Variants in EPB41L2 observed in about 807,000 individuals in gnomAD.
EPB41L2 encodes the protein erythrocyte membrane protein band 4.1 like 2.
In EPB41L2, 43 loss-of-function variants were observed where a neutral mutation model predicts 113.0. The observed-to-expected ratio is 0.38, with a 90% CI of 0.30 to 0.49. EPB41L2 has a LOEUF of 0.49. Ranked by LOEUF, EPB41L2 falls within the 20% of genes least tolerant of loss-of-function variation. The pLI is 0.95. For synonymous variants in EPB41L2, 442 were observed against 436.7 expected, an observed-to-expected ratio of 1.01 and a Z score of -0.15; for missense variants, 1,147 against 1,223.4, an observed-to-expected ratio of 0.94 and a Z score of 0.93.
At chr6:130,938,518 G>C (rs1472246192) in intron 3 of EPB41L2, among the ~76,000 whole-genome samples, 2 of 152,106 alleles carry the variant, frequency 1.3e-5, no homozygotes, top group African/African-American at 2.4e-5. Flanking sequence ...AAACTCTGAG[G>C]CATCAGAAAG....
chr6:131,039,415 C>T (rs575614866), intron 1 of EPB41L2, among the ~76,000 whole-genome samples: 21 of 152,296 alleles, frequency 1.4e-4, no homozygotes, highest in Middle Eastern at 6.8e-3. Flanking sequence ...CACGCAAACC[C>T]TTGAAATATT....
At chr6:130,885,061 T>C in intron 12 of EPB41L2, 35 bp downstream of exon 12, 2 of 1,608,302 alleles carry the variant, frequency 1.2e-6, no homozygotes, top group Non-Finnish European at 1.7e-6. Context: ...GTTAAGTAAA[T>C]GTTTAAAACC....
intron 1 of EPB41L2, among the ~76,000 whole-genome samples, chr6:131,048,149 A>G (rs2128192716): frequency 1.4e-5 from 2 of 142,286 alleles, no homozygotes; most frequent in South Asian, 2.3e-4. Flanking sequence ...AAAAAAAAAA[A>G]AAAAAAAAGA....
chr6:131,016,957 G>A (rs1412947754), intron 1 of EPB41L2, among the ~76,000 whole-genome samples: 1 of 151,888 alleles, frequency 6.6e-6, no homozygotes, highest in Non-Finnish European at 1.5e-5. Context: ...AATAACACTT[G>A]TTCTAAACAC....
chr6:131,017,057 AACT>A (rs1357638817), intron 1 of EPB41L2, among the ~76,000 whole-genome samples: 1 of 152,172 alleles, frequency 6.6e-6, no homozygotes, highest in South Asian at 2.1e-4. Context: ...AACACTATGA[AACT>A]ATTATAAAAA....
intron 1 of EPB41L2, among the ~76,000 whole-genome samples, chr6:131,016,978 A>T (rs1021725567): frequency 6.6e-6 from 1 of 152,186 alleles, no homozygotes; most frequent in Non-Finnish European, 1.5e-5. Flanking sequence ...TTATTTGCAC[A>T]TGACTTTTTC....
At chr6:130,929,680 C>T (rs1583559290) in intron 3 of EPB41L2, among the ~76,000 whole-genome samples, 1 of 152,218 alleles carries the variant, frequency 6.6e-6, no homozygotes, top group South Asian at 2.1e-4. Flanking sequence ...CATTATGTAT[C>T]TACCAATTTG....
intron 1 of EPB41L2, among the ~76,000 whole-genome samples, chr6:130,974,172 C>A (rs535064304): frequency 1.5e-4 from 23 of 152,138 alleles, no homozygotes; most frequent in African/African-American, 5.5e-4. Flanking sequence ...GAGGGTGGGG[C>A]CCTCATGATG....
chr6:130,988,843 C>G (rs1163195243), intron 1 of EPB41L2, among the ~76,000 whole-genome samples: 1 of 152,214 alleles, frequency 6.6e-6, no homozygotes, highest in African/African-American at 2.4e-5. Flanking sequence ...AATCCCAGCA[C>G]TTTGGGAGGC....
intron 1 of EPB41L2, among the ~76,000 whole-genome samples, chr6:131,022,445 A>G (rs1354202418): frequency 6.6e-6 from 1 of 152,098 alleles, no homozygotes; most frequent in African/African-American, 2.4e-5. Flanking sequence ...TTTATATTCA[A>G]ATCTTCACAA....
rs1222409644 is a variant in EPB41L2 at position 130,904,449 on chromosome 6, T to C, written c.929+16A>G. The C allele has an allele frequency of 4.5e-6, 7 of 1,550,396 alleles. No homozygotes were observed. Among genetic ancestry groups the C allele is most frequent in the Non-Finnish European group, 6.2e-6 (7 of 1,130,394 alleles). Reference sequence around the variant, plus strand: ...CTGTAAGGAAAGGTTCATTTAAAAATGCAAATATAAAGTACCTGGTGATAT... The same window carrying C: ...CTGTAAGGAAAGGTTCATTTAAAAACGCAAATATAAAGTACCTGGTGATAT... On this transcript the variant is annotated intron_variant, in intron 6 of 19. Coordinates refer to ENST00000337057, the MANE Select transcript of EPB41L2 (RefSeq NM_001431.4).
intron 1 of EPB41L2, among the ~76,000 whole-genome samples, chr6:131,012,400 C>A (rs573040655): frequency 4.1e-5 from 6 of 147,014 alleles, no homozygotes; most frequent in Non-Finnish European, 7.4e-5. Flanking sequence ...AGCAGCATGG[C>A]GGGCTACCAC....
At chr6:130,844,937 G>A (rs1054159123) in intron 19 of EPB41L2, among the ~76,000 whole-genome samples, 5 of 152,184 alleles carry the variant, frequency 3.3e-5, no homozygotes, top group Admixed American at 6.5e-5. Context: ...CAGCTACTGG[G>A]GGGCTGAGGC....
At chr6:131,020,653 G>A (rs999681928) in intron 1 of EPB41L2, among the ~76,000 whole-genome samples, 5 of 152,126 alleles carry the variant, frequency 3.3e-5, no homozygotes, top group Non-Finnish European at 5.9e-5. Context: ...AATAATTTTG[G>A]CTCATTCTTT....
chr6:131,053,420 G>A (rs866475987), intron 1 of EPB41L2, among the ~76,000 whole-genome samples: 9 of 106,886 alleles, frequency 8.4e-5, no homozygotes, highest in South Asian at 3.4e-4. Flanking sequence ...ACGAAGGGAC[G>A]AACATGGAAA....
At chr6:130,884,589 G>A (rs1262486715) in intron 12 of EPB41L2, among the ~76,000 whole-genome samples, 2 of 152,142 alleles carry the variant, frequency 1.3e-5, no homozygotes, top group African/African-American at 4.8e-5. Flanking sequence ...CATGGTGTAC[G>A]CACAAGATAA....
chr6:130,980,284 T>C (rs921994899), intron 1 of EPB41L2, among the ~76,000 whole-genome samples: 2 of 151,870 alleles, frequency 1.3e-5, no homozygotes, highest in South Asian at 2.1e-4. Context: ...CTACAAAAAG[T>C]CTAGGATTCA....
chr6:130,862,830 ATT>A (rs920450507), intron 18 of EPB41L2, among the ~76,000 whole-genome samples: 7 of 152,134 alleles, frequency 4.6e-5, no homozygotes. Context: ...TGAGCTCAGT[ATT>A]GTGTCCAAAG....
chr6:130,934,975 AAAGG>A (rs1808301240), intron 3 of EPB41L2, among the ~76,000 whole-genome samples: 1 of 152,132 alleles, frequency 6.6e-6, no homozygotes, highest in Non-Finnish European at 1.5e-5. Context: ...TAAACCAAAA[AAAGG>A]AAGGGAGGGA....
Sources: allele counts gnomAD v4.1 joint callset (sites outside exome capture counted in the v4.1 genomes callset), GRCh38; gene constraint gnomAD v4.1.1; transcripts MANE v1.5; gene names NCBI Gene and HGNC (gene_info 2026-07-23, HGNC 2026-07-21).